TMEM232: variants seen among roughly 807,000 people sequenced by gnomAD.
TMEM232 encodes transmembrane protein 232.
Under a neutral mutation model 78.8 loss-of-function variants are expected in TMEM232, and 80 were observed. The observed-to-expected ratio is 1.01, with a 90% CI of 0.85 to 1.22. The LOEUF (loss-of-function observed/expected upper bound fraction) is 1.22. TMEM232 is among the 50% of genes most tolerant of loss of function. The probability of loss-of-function intolerance (pLI) is 0.00; values close to 1 mark genes in which losing one functional copy is unlikely to be tolerated. For missense variants in TMEM232, 881 were observed against 742.2 expected (o/e 1.19, Z -2.17); for synonymous variants, 297 against 254.3 (o/e 1.17, Z -1.60).
At chr5:110,709,538 C>T (rs1443061245) in intron 1 of TMEM232, among the ~76,000 whole-genome samples, 1 of 152,078 alleles carries the variant, frequency 6.6e-6, no homozygotes, top group Non-Finnish European at 1.5e-5. Flanking sequence ...CAGGCATCTT[C>T]TCTGAACACA....
chr5:110,421,708 G>A (rs1401013861), intron 13 of TMEM232, among the ~76,000 whole-genome samples: 1 of 151,778 alleles, frequency 6.6e-6, no homozygotes, highest in African/African-American at 2.4e-5. Context: ...TTGTCATCTG[G>A]GATATTCAGA....
At chr5:110,680,396 CA>C (rs1189611727) in intron 1 of TMEM232, among the ~76,000 whole-genome samples, 1,118 of 24,670 alleles carry the variant, frequency 0.045, 2 homozygotes, top group African/African-American at 0.083. Context: ...GACTCTATCT[CA>C]AAAAAAAAAA....
At chr5:110,459,559 G>A (rs1761273536) in intron 12 of TMEM232, among the ~76,000 whole-genome samples, 1 of 152,068 alleles carries the variant, frequency 6.6e-6, no homozygotes, top group Admixed American at 6.5e-5. Flanking sequence ...ACTCATAAAT[G>A]TTACAAGGTA....
At chr5:110,485,554 C>T (rs368031586) in intron 12 of TMEM232, among the ~76,000 whole-genome samples, 34 of 152,240 alleles carry the variant, frequency 2.2e-4, no homozygotes, top group African/African-American at 7.5e-4. Context: ...TGAGAACATA[C>T]AATGTTTGCT....
chr5:110,727,059 C>G (rs373482931), upstream of TMEM232, among the ~76,000 whole-genome samples: 15 of 152,190 alleles, frequency 9.9e-5, no homozygotes, highest in East Asian at 2.7e-3. Context: ...AAATTTGGAG[C>G]AGTCAGTGTC....
At chr5:110,506,598 C>T (rs946948699) in intron 12 of TMEM232, among the ~76,000 whole-genome samples, 11 of 152,174 alleles carry the variant, frequency 7.2e-5, no homozygotes, top group African/African-American at 2.7e-4. Flanking sequence ...ATCAAAATAA[C>T]TACCCTCTTT....
chr5:110,618,980 C>T (rs1270518537), intron 7 of TMEM232, among the ~76,000 whole-genome samples: 1 of 152,158 alleles, frequency 6.6e-6, no homozygotes, highest in African/African-American at 2.4e-5. Context: ...CTTTAAGGAC[C>T]AAAATGTATG....
chr5:110,490,104 A>T (rs1337967694), intron 12 of TMEM232, among the ~76,000 whole-genome samples: 1 of 149,916 alleles, frequency 6.7e-6, no homozygotes. Context: ...AGCCTGACTG[A>T]GTGAAACTCC....
chr5:110,718,006 T>C (rs1797195349), intron 1 of TMEM232, among the ~76,000 whole-genome samples: 3 of 152,132 alleles, frequency 2.0e-5, no homozygotes, highest in African/African-American at 7.2e-5. Flanking sequence ...TAAAAGTATA[T>C]TGAATATTTT....
intron 11 of TMEM232, among the ~76,000 whole-genome samples, chr5:110,567,821 A>C (rs1388779816): frequency 6.6e-6 from 1 of 151,914 alleles, no homozygotes; most frequent in East Asian, 1.9e-4. Context: ...GAACTAGACA[A>C]GGGAGGAAAT....
In TMEM232 at chr5:110,676,001, A is replaced by G. The variant is rs535184690; in HGVS notation, c.-12-8637T>C. ...AGTTTGATAGTTTTAGATTCTACGT[A>G]TAAGTGAAAACATGGCATATTTTTC... is the stretch of plus-strand genomic sequence containing the variant. On this transcript the variant is annotated intron_variant, in intron 1 of 13. Transcript: ENST00000455884. Among the ~76,000 whole-genome samples, 288 of 152,358 alleles carry G rather than the reference A, an allele frequency of 1.9e-3. 1 individual carries two copies. Among genetic ancestry groups the G allele is most frequent in the Middle Eastern group, 0.01 (3 of 294 alleles).
At position 110,719,294 on chromosome 5, in the gene TMEM232, T is replaced by C. The variant is rs146586163; in HGVS notation, c.-13+7333A>G. On this transcript the variant is annotated intron_variant, in intron 1 of 13. Coordinates refer to ENST00000455884, the MANE Select transcript of TMEM232 (RefSeq NM_001039763.4). The stretch of plus-strand genomic sequence containing the variant: ...GTATATATATATACACACACACACA[T>C]ATATAATTATGCATGTGTGTAAAAT... Among the ~76,000 whole-genome samples the C allele has an allele frequency of 4.5e-3, 689 of 152,078 alleles. 6 individuals are homozygous for C. Among genetic ancestry groups the C allele is most frequent in the African/African-American group, 0.016 (649 of 41,500 alleles).
Position 110,541,679 on chromosome 5 carries a change from C to T in TMEM232, c.1456-12844G>A, listed in dbSNP as rs752680938. ...AAGCATTGTCAGGAAACATAAAAAACGTGGTTCAGCTTACTGTCTGTAGCC... is the reference window on the plus strand; with the variant it reads ...AAGCATTGTCAGGAAACATAAAAAATGTGGTTCAGCTTACTGTCTGTAGCC... On this transcript the variant is annotated intron_variant, in intron 11 of 13. Coordinates refer to ENST00000455884, the MANE Select transcript of TMEM232 (RefSeq NM_001039763.4). Among the ~76,000 whole-genome samples, 39 of 151,086 alleles carry T rather than the reference C, an allele frequency of 2.6e-4. No homozygotes were observed. In the South Asian group the frequency reaches 5.2e-3, roughly 20 times the overall value.
intron 2 of TMEM232, among the ~76,000 whole-genome samples, chr5:110,650,532 G>A (rs551756520): frequency 7.2e-5 from 11 of 152,268 alleles, no homozygotes; most frequent in African/African-American, 2.6e-4. Flanking sequence ...GTGATGTGAT[G>A]AGAATGGTGC....
At chr5:110,642,628 C>G (rs922044616) in intron 2 of TMEM232, among the ~76,000 whole-genome samples, 13 of 152,114 alleles carry the variant, frequency 8.5e-5, no homozygotes, top group African/African-American at 3.1e-4. Flanking sequence ...TCTGAGATGA[C>G]TGCTAGAAGT....
At chr5:110,516,247 CAAA>C (rs914885805) in intron 12 of TMEM232, among the ~76,000 whole-genome samples, 8 of 149,408 alleles carry the variant, frequency 5.4e-5, no homozygotes, top group South Asian at 2.1e-4. Context: ...CCCCGCAGCC[CAAA>C]AAAAAAATTT....
intron 1 of TMEM232, among the ~76,000 whole-genome samples, chr5:110,676,012 C>T (rs530501953): frequency 2.0e-5 from 3 of 152,316 alleles, no homozygotes; most frequent in East Asian, 1.9e-4. Flanking sequence ...TAAGTGAAAA[C>T]ATGGCATATT....
chr5:110,391,029 A>G (rs1345097874), intron 3 of TMEM232, among the ~76,000 whole-genome samples: 3 of 152,214 alleles, frequency 2.0e-5, no homozygotes, highest in Non-Finnish European at 4.4e-5. Flanking sequence ...TGCTGTCACA[A>G]TGATGCCACA....
chr5:110,687,426 A>C (rs189058282), intron 1 of TMEM232, among the ~76,000 whole-genome samples: 161 of 152,114 alleles, frequency 1.1e-3, no homozygotes, highest in African/African-American at 3.8e-3. Context: ...CTTTAGGTTG[A>C]TATTCTAGTC....
Sources: gnomAD v4.1 joint callset for allele counts (sites outside exome capture counted in the v4.1 genomes callset) on GRCh38, gnomAD v4.1.1 for gene constraint, MANE v1.5 for transcripts, NCBI Gene and HGNC (gene_info 2026-07-23, HGNC 2026-07-21) for gene names.